The following RMDN2 variants were observed in gnomAD, a reference collection of about 807,000 sequenced individuals.
RMDN2 encodes the protein regulator of microtubule dynamics 2, also known as regulator of microtubule dynamics protein 2.
RMDN2 carries 61 observed loss-of-function variants against 52.8 expected under a neutral mutation model. That is an observed-to-expected ratio of 1.16 (90% CI 0.94 to 1.43). The LOEUF is 1.43. Among genes scored for constraint, RMDN2 ranks in the 40% most tolerant of loss-of-function variants. RMDN2 has a pLI of 0.00. For missense variants in RMDN2, 592 were observed against 475.3 expected, an observed-to-expected ratio of 1.25 and a Z score of -2.28; for synonymous variants, 180 against 153.1, an observed-to-expected ratio of 1.18 and a Z score of -1.30.
rs753963314 is a variant in RMDN2, at chr2:37,974,050, G to C, written c.463G>C (p.Ala155Pro). 16 of 1,608,844 alleles carry C rather than the reference G, an allele frequency of 9.9e-6. No homozygotes were observed. Among genetic ancestry groups the C allele is most frequent in the African/African-American group, 1.3e-5 (1 of 74,616 alleles). The change falls in exon 3 of 11, where the codon GCT (alanine) becomes CCT (proline). Residue 155 changes from alanine (A) to proline (P), a missense_variant. By Grantham distance (27) the Ala-to-Pro change is conservative (BLOSUM62 -1). Transcript: ENST00000354545. The stretch of plus-strand genomic sequence containing the variant: ...TTTCTGCGATTTTAGGTATATTACA[G>C]CTAATACTGACACAGAAGAACAGAG... The part of the protein sequence containing the change: ...EAESEGGYIT[A>P]NTDTEEQSFP...
At position 37,974,088 on chromosome 2, in the gene RMDN2, T is replaced by G; in HGVS notation, c.501T>G (p.Pro167=). The G allele has an allele frequency of 6.2e-7, 1 of 1,613,026 alleles. No homozygotes were observed. Among genetic ancestry groups the G allele is most frequent in the Non-Finnish European group, 8.5e-7 (1 of 1,179,360 alleles). The change falls in exon 3 of 11, where the codon CCT becomes CCG. Residue 167 remains proline, a synonymous_variant. Transcript: ENST00000354545. ...TDTEEQSFPV[P]KAFNTRVEEL... ...CAGAAGAACAGAGTTTTCCAGTCCC[T>G]AAGGCATTTAACACACGTGTAGAGG...
chr2:37,926,447 C>A (rs535904012), intron 1 of RMDN2, among the ~76,000 whole-genome samples: 43 of 152,270 alleles, frequency 2.8e-4, no homozygotes, highest in African/African-American at 8.4e-4. Context: ...CACAATAATA[C>A]ACATTAATTA....
At chr2:38,027,143 C>T (rs1343203707) in intron 10 of RMDN2, 3 of 152,234 alleles carry the variant, frequency 2.0e-5, no homozygotes, top group Non-Finnish European at 4.4e-5. Context: ...AAGCCCTCTA[C>T]CTGCTTTGGT....
chr2:37,995,401 A>G (rs1390420252), intron 7 of RMDN2, among the ~76,000 whole-genome samples: 1 of 152,066 alleles, frequency 6.6e-6, no homozygotes, highest in Non-Finnish European at 1.5e-5. Flanking sequence ...GCAAAAGTAT[A>G]TCTAGAGATA....
chr2:38,008,690 T>C (rs1401849433), intron 10 of RMDN2, among the ~76,000 whole-genome samples: 1 of 152,210 alleles, frequency 6.6e-6, no homozygotes, highest in Non-Finnish European at 1.5e-5. Flanking sequence ...AGTTGGAGCA[T>C]TTAGCCCATT....
intron 10 of RMDN2, among the ~76,000 whole-genome samples, chr2:38,006,287 C>T (rs377241470): frequency 0.016 from 2,423 of 152,094 alleles, 16 homozygotes; most frequent in Non-Finnish European, 0.023. Flanking sequence ...TATAAATTAC[C>T]TTGGTCAGTA....
In RMDN2 at chr2:37,944,856, C is replaced by T. The variant is rs148452758; in HGVS notation, c.452+15127C>T. On this transcript the variant is annotated intron_variant, in intron 2 of 10. Transcript: ENST00000354545. ...TGTTTTCACCTGAGAGATACTTGAG[C>T]GTATTTATGGGCCACAAGGAAGAAG... 8.6e-5 allele frequency among the ~76,000 whole-genome samples: 13 copies of T among 152,042 alleles called. No homozygotes were observed. In the Middle Eastern group the frequency reaches 0.01, roughly 119 times the overall value.
intron 2 of RMDN2, among the ~76,000 whole-genome samples, chr2:37,936,108 T>A (rs901356952): frequency 2.0e-5 from 3 of 152,184 alleles, no homozygotes; most frequent in African/African-American, 4.8e-5. Context: ...GTCCATGTGT[T>A]CTCATTGTTC....
intron 10 of RMDN2, among the ~76,000 whole-genome samples, chr2:38,065,119 GA>G (rs902428302): frequency 8.5e-5 from 13 of 152,160 alleles, no homozygotes; most frequent in Admixed American, 5.9e-4. Flanking sequence ...AGAGTGGATA[GA>G]AAAAATGTGG....
At chr2:38,023,824 G>A (rs1573154346) in intron 10 of RMDN2, among the ~76,000 whole-genome samples, 1 of 151,228 alleles carries the variant, frequency 6.6e-6, no homozygotes, top group East Asian at 1.9e-4. Context: ...TGTATTTAAA[G>A]TGTATAATTT....
At chr2:37,968,130 C>G (rs1321479093) in intron 2 of RMDN2, among the ~76,000 whole-genome samples, 1 of 152,058 alleles carries the variant, frequency 6.6e-6, no homozygotes, top group Non-Finnish European at 1.5e-5. Context: ...TTCAGAAAGT[C>G]TGTTGTTAGG....
intron 2 of RMDN2, among the ~76,000 whole-genome samples, chr2:37,957,462 A>G (rs888110364): frequency 6.6e-6 from 1 of 152,082 alleles, no homozygotes; most frequent in Admixed American, 6.6e-5. Context: ...GTGTCTGTTG[A>G]TATCCTTCAC....
At chr2:38,044,634 T>A (rs1175174348) in intron 10 of RMDN2, among the ~76,000 whole-genome samples, 1 of 152,032 alleles carries the variant, frequency 6.6e-6, no homozygotes, top group African/African-American at 2.4e-5. Flanking sequence ...TGTTGACATG[T>A]CTTCAAGGTC....
intron 2 of RMDN2, among the ~76,000 whole-genome samples, chr2:37,960,453 G>T (rs1670056834): frequency 6.6e-6 from 1 of 152,056 alleles, no homozygotes; most frequent in Middle Eastern, 3.4e-3. Flanking sequence ...TCAGAGACTA[G>T]GATTGCAACC....
At chr2:38,039,919 G>T (rs1680848310) in intron 10 of RMDN2, among the ~76,000 whole-genome samples, 1 of 152,018 alleles carries the variant, frequency 6.6e-6, no homozygotes, top group Non-Finnish European at 1.5e-5. Flanking sequence ...CTACTTTTTA[G>T]CATCTCCTCC....
At chr2:37,951,286 G>A (rs202219679) in intron 2 of RMDN2, 2 of 1,611,634 alleles carry the variant, frequency 1.2e-6, no homozygotes, top group Non-Finnish European at 1.7e-6. Context: ...GATCAAGTTA[G>A]TACAGACGCC....
chr2:37,959,442 A>T (rs1376068949), intron 2 of RMDN2, among the ~76,000 whole-genome samples: 1 of 150,934 alleles, frequency 6.6e-6, no homozygotes, highest in Non-Finnish European at 1.5e-5. Context: ...ATTTGCATAG[A>T]GGTGTTTATA....
intron 10 of RMDN2, among the ~76,000 whole-genome samples, chr2:38,010,205 G>A (rs143907277): frequency 0.12 from 18,848 of 152,202 alleles, 1,390 homozygotes; most frequent in Non-Finnish European, 0.16. Context: ...ATCTCCAGCT[G>A]CGTGCTGGGA....
intron 10 of RMDN2, among the ~76,000 whole-genome samples, chr2:38,059,018 T>C (rs780018145): frequency 6.6e-6 from 1 of 152,206 alleles, no homozygotes; most frequent in Non-Finnish European, 1.5e-5. Flanking sequence ...TAATAAATAG[T>C]TACCAATTGA....
Sources: allele counts gnomAD v4.1 joint callset (sites outside exome capture counted in the v4.1 genomes callset), GRCh38; gene constraint gnomAD v4.1.1; transcripts MANE v1.5; gene names NCBI Gene and HGNC (gene_info 2026-07-23, HGNC 2026-07-21).